The following UTRN variants were observed in gnomAD, a reference collection of about 807,000 sequenced individuals.
The protein encoded by UTRN is utrophin, also known as dystrophin-related protein 1.
Under a neutral mutation model 463.9 loss-of-function variants are expected in UTRN, and 283 were observed. The observed-to-expected ratio is 0.61, with a 90% CI of 0.55 to 0.67. UTRN has a LOEUF of 0.67. UTRN is among the 30% of genes least tolerant of loss of function. The pLI, the probability that UTRN is intolerant of heterozygous loss-of-function variation, is 0.00. For missense variants in UTRN, 3,922 were observed against 4,084.3 expected (o/e 0.96, Z 1.08); for synonymous variants, 1,442 against 1,431.5 (o/e 1.01, Z -0.17).
intron 54 of UTRN, among the ~76,000 whole-genome samples, chr6:144,735,791 A>T (rs540689954): frequency 6.6e-6 from 1 of 152,134 alleles, no homozygotes; most frequent in East Asian, 1.9e-4. Flanking sequence ...GGTTAAAACG[A>T]TATTGTATAA....
intron 60 of UTRN, among the ~76,000 whole-genome samples, chr6:144,776,106 C>T (rs1231575918): frequency 1.3e-5 from 2 of 152,188 alleles, no homozygotes; most frequent in East Asian, 1.9e-4. Context: ...TCCTGGAGCT[C>T]ATCAGTTTAT....
chr6:144,453,212 T>C (rs1788501501), intron 18 of UTRN, among the ~76,000 whole-genome samples: 1 of 152,018 alleles, frequency 6.6e-6, no homozygotes, highest in Non-Finnish European at 1.5e-5. Flanking sequence ...AACCTCTGCC[T>C]CCCGGGTTCA....
intron 73 of UTRN, 52 bp downstream of exon 73, chr6:144,840,884 C>A: frequency 6.3e-7 from 1 of 1,598,022 alleles, no homozygotes; most frequent in South Asian, 1.1e-5. Flanking sequence ...TTCCCTTTCT[C>A]TTTTTCTGCA....
chr6:144,658,540 T>C (rs1045887783), intron 51 of UTRN, among the ~76,000 whole-genome samples: 2 of 143,594 alleles, frequency 1.4e-5, no homozygotes, highest in African/African-American at 2.5e-5. Context: ...ATTTTAGGGG[T>C]TCCCCCCCCC....
intron 18 of UTRN, 141 bp downstream of exon 18, chr6:144,451,634 G>A: frequency 9.6e-7 from 1 of 1,045,880 alleles, no homozygotes; most frequent in Non-Finnish European, 1.3e-6. Context: ...GTACATTGTA[G>A]TGAATTTTGA....
chr6:144,767,806 C>A lies in UTRN; in HGVS notation c.8496-4101C>A, dbSNP rs538605730. On this transcript the variant is annotated intron_variant, in intron 58 of 74. Transcript: ENST00000367545. The stretch of plus-strand genomic sequence containing the variant: ...GCAATATACATAGTTCTTGTCCCCA[C>A]ATTTGTATTTTTACTTATCTTTAGT... 2.7e-4 allele frequency among the ~76,000 whole-genome samples: 41 copies of A among 152,246 alleles called. No homozygotes were observed. The South Asian group carries it at 8.3e-3, about 31-fold the overall frequency.
chr6:144,374,695 G>T (rs1780293109), intron 2 of UTRN, among the ~76,000 whole-genome samples: 1 of 151,386 alleles, frequency 6.6e-6, no homozygotes, highest in South Asian at 2.1e-4. Context: ...TGTTGGTCAG[G>T]CTGGTCTTAA....
At chr6:144,607,603 T>C (rs1804997786) in intron 51 of UTRN, among the ~76,000 whole-genome samples, 1 of 152,218 alleles carries the variant, frequency 6.6e-6, no homozygotes, top group Admixed American at 6.5e-5. Flanking sequence ...TTTGGGCACT[T>C]TGAAACTTTG....
chr6:144,308,162 T>C (rs1466001065), intron 2 of UTRN, among the ~76,000 whole-genome samples: 1 of 152,208 alleles, frequency 6.6e-6, no homozygotes, highest in African/African-American at 2.4e-5. Context: ...TCACTCTCTC[T>C]AAAAGTTACT....
chr6:144,660,000 C>T (rs1197221324), intron 51 of UTRN: 2 of 339,268 alleles, frequency 5.9e-6, no homozygotes, highest in Non-Finnish European at 5.9e-6. Context: ...CTATTCCTTG[C>T]GAACTCCGAA....
chr6:144,462,202 G>A (rs1789491733), intron 22 of UTRN, among the ~76,000 whole-genome samples: 1 of 152,036 alleles, frequency 6.6e-6, no homozygotes, highest in African/African-American at 2.4e-5. Context: ...GAGGATAATG[G>A]CTTCCAGCTC....
chr6:144,459,183 A>G lies in UTRN; in HGVS notation c.2536A>G (p.Thr846Ala). 1.2e-6 allele frequency: 2 copies of G among 1,610,902 alleles called. No homozygotes were observed. Among genetic ancestry groups the G allele is most frequent in the Non-Finnish European group, 1.7e-6 (2 of 1,178,892 alleles). ...SLKDSCQRELTNLLGLHPKIE... is the reference protein window; with the variant it reads ...SLKDSCQRELANLLGLHPKIE... ...ATTTTCTCTTCCTTAGCGGGAATTG[A>G]CAAATCTTCTTGGCCTTCACCCCAA... Residue 846 changes from threonine (T) to alanine (A), a missense_variant, in exon 21 of 75, where the codon ACA (threonine) becomes GCA (alanine). By Grantham distance (58) the Thr-to-Ala change is moderately conservative. Around this residue, in one of 3 missense-constraint regions of UTRN, gnomAD observed 2,349 missense variants for 2,303.8 expected, o/e 1.02. Coordinates refer to ENST00000367545, the MANE Select transcript of UTRN (RefSeq NM_007124.3).
At chr6:144,330,441 T>C (rs573009251) in intron 2 of UTRN, among the ~76,000 whole-genome samples, 14 of 152,210 alleles carry the variant, frequency 9.2e-5, no homozygotes, top group Admixed American at 7.8e-4. Context: ...GGTTGAAAAA[T>C]AGGTTATAAA....
chr6:144,577,341 A>T, intron 51 of UTRN, 53 bp downstream of exon 51: 1 of 1,565,552 alleles, frequency 6.4e-7, no homozygotes, highest in Admixed American at 1.7e-5. Context: ...TGTGCTTTTG[A>T]TCCCTCTGCA....
At chr6:144,661,657 TTG>T (rs1213402849) in intron 51 of UTRN, among the ~76,000 whole-genome samples, 1 of 152,176 alleles carries the variant, frequency 6.6e-6, no homozygotes, top group Non-Finnish European at 1.5e-5. Flanking sequence ...TTGTATAGAT[TTG>T]TCTGTTTCTT....
intron 35 of UTRN, 55 bp from the exon 36 acceptor site, chr6:144,513,854 T>G: frequency 6.4e-7 from 1 of 1,565,312 alleles, no homozygotes; most frequent in Non-Finnish European, 8.7e-7. Context: ...CTTTTAAGAT[T>G]ATCATCTTAA....
chr6:144,595,956 C>G (rs1027816300), intron 51 of UTRN, among the ~76,000 whole-genome samples: 1 of 152,042 alleles, frequency 6.6e-6, no homozygotes, highest in African/African-American at 2.4e-5. Flanking sequence ...GTGGAAGATC[C>G]TTATACGGTG....
At chr6:144,298,933 TTTC>T (rs1314040491) in intron 2 of UTRN, among the ~76,000 whole-genome samples, 1 of 152,182 alleles carries the variant, frequency 6.6e-6, no homozygotes, top group Non-Finnish European at 1.5e-5. Flanking sequence ...TTTTTGCAAA[TTTC>T]TTCAACTCCA....
At chr6:144,672,101 A>C (rs1396423864) in intron 51 of UTRN, among the ~76,000 whole-genome samples, 1 of 151,846 alleles carries the variant, frequency 6.6e-6, no homozygotes, top group Non-Finnish European at 1.5e-5. Flanking sequence ...TTTATCAGTG[A>C]TATTGGTCTG....
Sources: gnomAD v4.1 joint callset for allele counts (sites outside exome capture counted in the v4.1 genomes callset) on GRCh38, gnomAD v4.1.1 for gene constraint, gnomAD v4.1.1 regional missense constraint, MANE v1.5 for transcripts, NCBI Gene and HGNC (gene_info 2026-07-23, HGNC 2026-07-21) for gene names.